The following STPG2 variants were observed in gnomAD, a reference collection of about 807,000 sequenced individuals.
STPG2 encodes the protein sperm tail PG-rich repeat containing 2.
STPG2 carries 56 observed loss-of-function variants against 54.2 expected under a neutral mutation model. That is an observed-to-expected ratio of 1.03 (90% CI 0.83 to 1.29). The LOEUF is 1.29. Ranked by LOEUF, STPG2 falls within the 50% of genes most tolerant of loss-of-function variation. The probability of loss-of-function intolerance (pLI) is 0.00; values close to 1 mark genes in which losing one functional copy is unlikely to be tolerated. For synonymous variants in STPG2, 200 were observed against 181.8 expected (o/e 1.10, Z -0.81); for missense variants, 596 against 544.9 (o/e 1.09, Z -0.93).
chr4:97,875,035 G>A (rs914887585), intron 8 of STPG2, among the ~76,000 whole-genome samples: 5 of 151,878 alleles, frequency 3.3e-5, no homozygotes, highest in Admixed American at 2.0e-4. Flanking sequence ...TTTATTTGCT[G>A]ATTAGTATTC....
intron 10 of STPG2, among the ~76,000 whole-genome samples, chr4:97,622,750 A>AT (rs1357502343): frequency 1.3e-5 from 2 of 152,094 alleles, no homozygotes; most frequent in African/African-American, 2.4e-5. Context: ...TGTTTACAGA[A>AT]TTTTTTAAAA....
chr4:97,734,448 T>G (rs1318193680), intron 9 of STPG2, among the ~76,000 whole-genome samples: 2 of 152,088 alleles, frequency 1.3e-5, no homozygotes, highest in Admixed American at 1.3e-4. Flanking sequence ...GGCCCCAGAG[T>G]GTGGTGTTCC....
At chr4:97,699,238 A>G (rs1454047959) in intron 10 of STPG2, among the ~76,000 whole-genome samples, 1 of 152,166 alleles carries the variant, frequency 6.6e-6, no homozygotes, top group Non-Finnish European at 1.5e-5. Flanking sequence ...GCCCATGCAT[A>G]ACCTCCATCA....
intron 10 of STPG2, among the ~76,000 whole-genome samples, chr4:97,637,878 T>C (rs1721612732): frequency 6.6e-6 from 1 of 152,148 alleles, no homozygotes; most frequent in Admixed American, 6.6e-5. Context: ...TCCATGCTCA[T>C]GGGTAGGAAG....
intron 8 of STPG2, among the ~76,000 whole-genome samples, chr4:97,930,832 T>C (rs181250319): frequency 1.3e-5 from 2 of 152,306 alleles, no homozygotes; most frequent in East Asian, 1.9e-4. Context: ...TTTCTATTTG[T>C]TTGTGTCTTC....
intron 10 of STPG2, among the ~76,000 whole-genome samples, chr4:97,650,573 A>T (rs1468767658): frequency 3.9e-5 from 6 of 152,128 alleles, no homozygotes; most frequent in African/African-American, 1.4e-4. Flanking sequence ...CCTGGGATCA[A>T]TAAAAAGGAA....
At chr4:97,837,573 G>A (rs1368346962) in intron 9 of STPG2, among the ~76,000 whole-genome samples, 2 of 151,514 alleles carry the variant, frequency 1.3e-5, no homozygotes, top group Admixed American at 6.6e-5. Context: ...TTTATAATGT[G>A]ATAAGCCTCA....
chr4:97,652,448 C>T (rs1471809348), intron 10 of STPG2, among the ~76,000 whole-genome samples: 1 of 151,554 alleles, frequency 6.6e-6, no homozygotes, highest in East Asian at 1.9e-4. Context: ...GAGAAACTTG[C>T]TAGTATATGT....
intron 4 of STPG2, among the ~76,000 whole-genome samples, chr4:97,536,889 T>C (rs959149569): frequency 6.6e-6 from 1 of 152,244 alleles, no homozygotes; most frequent in Non-Finnish European, 1.5e-5. Flanking sequence ...AGGGTGTCCT[T>C]ATTCAACTTC....
intron 7 of STPG2, among the ~76,000 whole-genome samples, chr4:97,958,430 T>C (rs2149246086): frequency 6.6e-6 from 1 of 152,282 alleles, no homozygotes; most frequent in South Asian, 2.1e-4. Flanking sequence ...ATGCTCCATT[T>C]AAAAAATACA....
intron 1 of STPG2, among the ~76,000 whole-genome samples, chr4:98,142,176 T>G (rs368196874): frequency 9.9e-5 from 15 of 152,284 alleles, no homozygotes; most frequent in African/African-American, 3.1e-4. Flanking sequence ...CAATTCAACA[T>G]GTGAAACACT....
chr4:98,077,174 T>A (rs1216874621), intron 5 of STPG2, among the ~76,000 whole-genome samples: 1 of 152,180 alleles, frequency 6.6e-6, no homozygotes. Flanking sequence ...TCTAATACAA[T>A]AAGAAACACT....
intron 8 of STPG2, among the ~76,000 whole-genome samples, chr4:97,868,463 A>C (rs368108608): frequency 2.0e-5 from 3 of 151,982 alleles, no homozygotes; most frequent in South Asian, 2.1e-4. Context: ...ATTCCCAGAC[A>C]TTAGAGGTAG....
intron 7 of STPG2, among the ~76,000 whole-genome samples, chr4:97,948,602 G>C (rs1350354586): frequency 6.6e-6 from 1 of 151,964 alleles, no homozygotes; most frequent in Admixed American, 6.6e-5. Flanking sequence ...CAGAAGTTTT[G>C]ATGACTCATG....
chr4:97,767,440 C>A (rs1041336602), intron 9 of STPG2, among the ~76,000 whole-genome samples: 1 of 152,016 alleles, frequency 6.6e-6, no homozygotes, highest in Non-Finnish European at 1.5e-5. Flanking sequence ...ATCTCTCTGA[C>A]AATTAAACAT....
chr4:97,764,642 A>C (rs1187761170), intron 9 of STPG2, among the ~76,000 whole-genome samples: 2 of 152,190 alleles, frequency 1.3e-5, no homozygotes, highest in East Asian at 3.9e-4. Flanking sequence ...ACAATTATAC[A>C]AGAAGAGGGT....
chr4:97,571,421 C>T (rs931196895), intron 10 of STPG2, among the ~76,000 whole-genome samples: 7 of 152,182 alleles, frequency 4.6e-5, no homozygotes, highest in African/African-American at 7.2e-5. Context: ...TATACCTCTA[C>T]GGCACTAACA....
intron 4 of STPG2, among the ~76,000 whole-genome samples, chr4:97,452,863 T>TG (rs1180438140): frequency 1.3e-5 from 2 of 152,156 alleles, no homozygotes; most frequent in African/African-American, 4.8e-5. Flanking sequence ...GCCCTGACTG[T>TG]GGAAAGGAGC....
chr4:98,049,121 CAAAA>C (rs1578812516), intron 5 of STPG2: 1 of 151,836 alleles, frequency 6.6e-6, no homozygotes, highest in African/African-American at 2.4e-5. Context: ...AAAAGAAAAA[CAAAA>C]AAACTTAATT....
Sources: gnomAD v4.1 joint callset for allele counts (sites outside exome capture counted in the v4.1 genomes callset) on GRCh38, gnomAD v4.1.1 for gene constraint, MANE v1.5 for transcripts, NCBI Gene and HGNC (gene_info 2026-07-23, HGNC 2026-07-21) for gene names.